Variants in KIF1C observed in about 807,000 individuals in gnomAD.
KIF1C encodes kinesin-like protein KIF1C.
KIF1C carries 61 observed loss-of-function variants against 126.5 expected under a neutral mutation model. That is an observed-to-expected ratio of 0.48 (90% CI 0.39 to 0.60). The LOEUF is 0.60. KIF1C is among the 20% of genes least tolerant of loss of function. The pLI is 0.00. For missense variants in KIF1C, 1,315 were observed against 1,489.2 expected, an observed-to-expected ratio of 0.88 and a Z score of 1.93; for synonymous variants, 640 against 580.6, an observed-to-expected ratio of 1.10 and a Z score of -1.47.
At position 5,003,893 on chromosome 17, in the gene KIF1C, G is replaced by A; in HGVS notation, c.841G>A (p.Val281Met). The A allele has an allele frequency of 6.2e-7, 1 of 1,614,090 alleles. No homozygotes were observed. Among genetic ancestry groups the A allele is most frequent in the Non-Finnish European group, 8.5e-7 (1 of 1,179,970 alleles). Residue 281 changes from valine (V) to methionine (M), a missense_variant, in exon 10 of 23, where the codon GTG becomes ATG. Coordinates refer to ENST00000320785, the MANE Select transcript of KIF1C (RefSeq NM_006612.6). ...INKSLTTLGK[V>M]ISALADMQSK... Reference sequence around the variant, plus strand: ...TAAGTCCCTGACTACACTAGGGAAAGTGATCTCGGCCCTTGCAGATATGGT... The same window carrying A: ...TAAGTCCCTGACTACACTAGGGAAAATGATCTCGGCCCTTGCAGATATGGT...
Position 5,004,851 on chromosome 17 carries a change from C to T in KIF1C, c.1020-4C>T, listed in dbSNP as rs749972675. ...CTCACCGACCCTGCTCCTCTGTCAC[C>T]CAGGTATGCTGACCGCACCAAGCAA... On this transcript the variant is annotated splice_polypyrimidine_tract_variant and splice_region_variant and intron_variant, in intron 12 of 22. Coordinates refer to ENST00000320785, the MANE Select transcript of KIF1C (RefSeq NM_006612.6). 5.0e-6 allele frequency: 8 copies of T among 1,614,078 alleles called. No individual in the cohort carries two copies. The African/African-American group carries it at 8.0e-5, about 16-fold the overall frequency.
chr17:5,005,071 C>T (rs1974695776), intron 13 of KIF1C, 71 bp downstream of exon 13: 2 of 1,595,948 alleles, frequency 1.3e-6, no homozygotes, highest in South Asian at 2.2e-5. Flanking sequence ...CTTGCCTTTG[C>T]CCAGTCCTGG....
chr17:5,023,792 C>T lies in KIF1C; in HGVS notation c.2953C>T (p.Pro985Ser), dbSNP rs556299467. The stretch of plus-strand genomic sequence containing the variant: ...GCTACGCTTCCCCTTCAAGAGCAAC[C>T]CCCAGCACCGGGAGTCTTGGCCAGG... ...CKLRFPFKSNPQHRESWPGMG... is the reference protein window; with the variant it reads ...CKLRFPFKSNSQHRESWPGMG... The change falls in exon 23 of 23, where the codon CCC becomes TCC. Residue 985 changes from proline (P) to serine (S), a missense_variant. Coordinates refer to ENST00000320785, the MANE Select transcript of KIF1C (RefSeq NM_006612.6). This position sits in a 1 kb window ranked among gnomAD's most constrained non-coding sequence, Gnocchi z 4.2. 1.3e-6 allele frequency: 2 copies of T among 1,520,210 alleles called. No homozygotes were observed. Among genetic ancestry groups the T allele is most frequent in the South Asian group, 2.6e-5 (2 of 75,548 alleles). 94.2% of individuals were successfully genotyped at this position (1,520,210 alleles called of 1,614,324 possible). A position where few individuals can be genotyped will look rare whatever the true frequency, so the allele number is the denominator to read the frequency against.
chr17:5,000,792 A>G lies in KIF1C; in HGVS notation c.127A>G (p.Ser43Gly). 1.2e-6 allele frequency: 2 copies of G among 1,614,010 alleles called. No individual in the cohort carries two copies. Among genetic ancestry groups the G allele is most frequent in the East Asian group, 2.2e-5 (1 of 44,876 alleles). ...NTTSIINPKQ[S>G]KDAPKSFTFD... ...CTCAGCCATCATCAATCCTAAACAG[A>G]GCAAGGATGCCCCCAAAAGCTTCAC... The change falls in exon 4 of 23, where the codon AGC (serine) becomes GGC (glycine). Residue 43 changes from serine (S) to glycine (G), a missense_variant. By Grantham distance (56) the Ser-to-Gly change is moderately conservative. This residue lies in a region of KIF1C where 874 missense variants were observed against 1,053.2 expected (regional missense o/e 0.83). Coordinates refer to ENST00000320785, the MANE Select transcript of KIF1C (RefSeq NM_006612.6).
At chr17:5,014,710 C>A in intron 17 of KIF1C, 33 bp from the exon 18 acceptor site, 1 of 1,508,248 alleles carries the variant, frequency 6.6e-7, no homozygotes, top group Non-Finnish European at 9.1e-7. Context: ...AAGTCTGGCA[C>A]ATGCTCACAA....
Position 5,019,989 on chromosome 17 carries a change from C to T in KIF1C, c.1667-7C>T, listed in dbSNP as rs1975054462. ...AATCTTTCCCCTTCCTCTGCCCCTC[C>T]ATTCAGTGGTGGTCACTCTGGAGCC... On this transcript the variant is annotated splice_region_variant and splice_polypyrimidine_tract_variant and intron_variant, in intron 18 of 22. Transcript: ENST00000320785. The T allele has an allele frequency of 1.3e-6, 2 of 1,597,850 alleles. No individual in the cohort carries two copies. The highest frequency in any genetic ancestry group is 1.1e-5 in the South Asian group (1 of 88,348).
chr17:5,016,775 G>A (rs768163786), intron 18 of KIF1C, among the ~76,000 whole-genome samples: 1 of 151,608 alleles, frequency 6.6e-6, no homozygotes. Context: ...GCATGGTGGC[G>A]AACGCTTGTA....
intron 14 of KIF1C, 45 bp downstream of exon 14, chr17:5,007,129 G>C: frequency 6.3e-7 from 1 of 1,579,682 alleles, no homozygotes; most frequent in Non-Finnish European, 8.6e-7. Flanking sequence ...GGGCATTCCT[G>C]GGAGTTTACT....
At chr17:5,010,356 CT>C (rs1974834174) in intron 16 of KIF1C, among the ~76,000 whole-genome samples, 1 of 152,004 alleles carries the variant, frequency 6.6e-6, no homozygotes, top group South Asian at 2.1e-4. Context: ...TTCCTTGATA[CT>C]ACAAAAAAAG....
intron 18 of KIF1C, 86 bp downstream of exon 18, chr17:5,014,923 G>C: frequency 8.7e-7 from 1 of 1,145,862 alleles, no homozygotes; most frequent in Non-Finnish European, 1.3e-6. Flanking sequence ...GTCTGGGTTG[G>C]GCACCAGGGA....
At chr17:5,009,399 T>TG (rs1228737875) in intron 16 of KIF1C, among the ~76,000 whole-genome samples, 2 of 151,964 alleles carry the variant, frequency 1.3e-5, no homozygotes, top group African/African-American at 4.8e-5. Context: ...GGAGTGGTCT[T>TG]GAACTTCTGA....
chr17:5,010,111 A>C (rs1379890034), intron 16 of KIF1C, among the ~76,000 whole-genome samples: 2 of 152,054 alleles, frequency 1.3e-5, no homozygotes, highest in Non-Finnish European at 2.9e-5. Context: ...ATTTTAGTAG[A>C]GACAGGGTTT....
At position 5,025,958 on chromosome 17, in the gene KIF1C, G is replaced by C. The variant is rs1357804095; in HGVS notation, c.*1807G>C. The C allele has an allele frequency of 6.6e-6, 1 of 152,210 alleles. No individual in the cohort carries two copies. The highest frequency in any genetic ancestry group is 1.9e-4 in the East Asian group (1 of 5,198). 9.4% of individuals were successfully genotyped at this position (152,210 alleles called of 1,614,324 possible). A position where few individuals can be genotyped will look rare whatever the true frequency, so the allele number is the denominator to read the frequency against. ...CACTGCCTTTGGCTTGCCAGACTCT[G>C]GAGTCCCCACATTTTCATCCTGTTC... is the stretch of plus-strand genomic sequence containing the variant. On this transcript the variant is annotated 3_prime_UTR_variant, in exon 23 of 23. Transcript: ENST00000320785.
chr17:5,019,251 C>G, intron 18 of KIF1C: 1 of 167,900 alleles, frequency 6.0e-6, no homozygotes, highest in Non-Finnish European at 1.5e-5. Flanking sequence ...TTTGGGCCTT[C>G]TAACCACTCT....
At chr17:5,000,385 G>A in intron 3 of KIF1C, 33 bp downstream of exon 3, 1 of 1,434,254 alleles carries the variant, frequency 7.0e-7, no homozygotes, top group East Asian at 2.5e-5. Context: ...GCTGGGCACA[G>A]GCAGGGAAGG....
chr17:5,018,126 C>G (rs1450642983), intron 18 of KIF1C, among the ~76,000 whole-genome samples: 2 of 151,882 alleles, frequency 1.3e-5, no homozygotes, highest in Non-Finnish European at 2.9e-5. Context: ...GACTACAGAC[C>G]TGTGCCACCA....
chr17:5,014,417 C>T (rs1018661860), intron 17 of KIF1C: 2 of 283,514 alleles, frequency 7.1e-6, no homozygotes, highest in Middle Eastern at 1.1e-3. Flanking sequence ...CCTGGTGGTC[C>T]CTGGAGATAA....
chr17:5,009,136 A>G (rs1361534973), intron 16 of KIF1C, among the ~76,000 whole-genome samples: 10 of 150,804 alleles, frequency 6.6e-5, no homozygotes, highest in African/African-American at 9.7e-5. Context: ...GTAACTCTCC[A>G]TCCTTCCCAC....
In KIF1C at chr17:5,024,133, G is replaced by C. The variant is rs368230467; in HGVS notation, c.3294G>C (p.Glu1098Asp). 66 of 1,610,246 alleles carry C rather than the reference G, an allele frequency of 4.1e-5. No homozygotes were observed. Among genetic ancestry groups the C allele is most frequent in the Non-Finnish European group, 5.3e-5 (63 of 1,178,314 alleles). ...RRQRSAPDLK[E>D]SGAAV ...AGCGTTCTGCCCCTGACCTCAAGGA[G>C]AGTGGGGCAGCTGTGTGAGTCCCAC... The change falls in exon 23 of 23, where the codon GAG becomes GAC. Residue 1098 changes from glutamate (E) to aspartate (D), a missense_variant. Glu to Asp is a conservative substitution (Grantham distance 45). Transcript: ENST00000320785.
Sources: gnomAD v4.1 joint callset for allele counts (sites outside exome capture counted in the v4.1 genomes callset) on GRCh38, gnomAD v4.1.1 for gene constraint, gnomAD v4.1.1 regional missense constraint, Gnocchi (gnomAD v3.1) non-coding constraint, MANE v1.5 for transcripts, NCBI Gene and HGNC (gene_info 2026-07-23, HGNC 2026-07-21) for gene names.